The following SLC41A2 variants were observed in gnomAD, a reference collection of about 807,000 sequenced individuals.
SLC41A2 encodes SLC41A1-like 1.
A neutral mutation model predicts 58.3 loss-of-function variants in SLC41A2; 32 were observed. The observed-to-expected ratio is 0.55, with a 90% CI of 0.41 to 0.74. SLC41A2 has a LOEUF of 0.74. Ranked by LOEUF, SLC41A2 falls within the 30% of genes least tolerant of loss-of-function variation. SLC41A2 has a pLI of 0.00. For synonymous variants in SLC41A2, 190 were observed against 235.0 expected (o/e 0.81, Z 1.75); for missense variants, 514 against 680.6 (o/e 0.76, Z 2.72).
chr12:104,850,369 T>A (rs2042754397), intron 8 of SLC41A2, among the ~76,000 whole-genome samples: 1 of 152,314 alleles, frequency 6.6e-6, no homozygotes, highest in African/African-American at 2.4e-5. Context: ...ATCTACGCAG[T>A]TTAATCTTGG....
intron 8 of SLC41A2, among the ~76,000 whole-genome samples, chr12:104,856,616 A>G (rs1593005915): frequency 6.6e-6 from 1 of 152,124 alleles, no homozygotes; most frequent in Non-Finnish European, 1.5e-5. Context: ...GACATGGGAG[A>G]TACCGGAAAA....
chr12:104,825,949 T>C (rs1184670297), intron 10 of SLC41A2, among the ~76,000 whole-genome samples: 1 of 152,180 alleles, frequency 6.6e-6, no homozygotes, highest in Non-Finnish European at 1.5e-5. Flanking sequence ...CTCTGCTTCA[T>C]GGGTACATAC....
At chr12:104,822,149 G>A (rs2041663950) in intron 10 of SLC41A2, among the ~76,000 whole-genome samples, 1 of 152,194 alleles carries the variant, frequency 6.6e-6, no homozygotes. Flanking sequence ...AAAAAAAAGT[G>A]TGAATGAAGC....
chr12:104,840,987 TA>T (rs2042389524), intron 10 of SLC41A2, among the ~76,000 whole-genome samples: 1 of 152,136 alleles, frequency 6.6e-6, no homozygotes, highest in South Asian at 2.1e-4. Context: ...TACTAACATC[TA>T]AAATCTGAAA....
chr12:104,880,264 G>A (rs532555314), intron 6 of SLC41A2, among the ~76,000 whole-genome samples: 1 of 152,142 alleles, frequency 6.6e-6, no homozygotes, highest in Non-Finnish European at 1.5e-5. Context: ...TCTGCAAACA[G>A]GGACAATTTG....
At chr12:104,876,128 T>C (rs948546285) in intron 6 of SLC41A2, among the ~76,000 whole-genome samples, 1 of 152,172 alleles carries the variant, frequency 6.6e-6, no homozygotes, top group African/African-American at 2.4e-5. Context: ...GTCTCCACTT[T>C]TATTTCTGAT....
At chr12:104,947,649 C>CATATAT (rs142147043) in intron 1 of SLC41A2, among the ~76,000 whole-genome samples, 17 of 151,578 alleles carry the variant, frequency 1.1e-4, no homozygotes, top group East Asian at 3.9e-4. Context: ...ACATATTTTA[C>CATATAT]ATATATATAT....
At chr12:104,942,057 TG>T (rs1023710295) in intron 1 of SLC41A2, among the ~76,000 whole-genome samples, 22 of 152,176 alleles carry the variant, frequency 1.4e-4, no homozygotes, top group African/African-American at 4.8e-4. Flanking sequence ...AACTCTATTT[TG>T]AAGTTGAGAA....
chr12:104,905,716 G>A (rs1047050204), intron 3 of SLC41A2, among the ~76,000 whole-genome samples: 1 of 152,362 alleles, frequency 6.6e-6, no homozygotes, highest in African/African-American at 2.4e-5. Context: ...GGCCAGCATT[G>A]CTGGGGGACT....
At chr12:104,843,307 G>T (rs969413379) in intron 10 of SLC41A2, among the ~76,000 whole-genome samples, 1 of 151,888 alleles carries the variant, frequency 6.6e-6, no homozygotes, top group Non-Finnish European at 1.5e-5. Flanking sequence ...CTAGTAGCAT[G>T]AAGGTTTACT....
intron 4 of SLC41A2, among the ~76,000 whole-genome samples, chr12:104,890,609 A>G (rs1299463341): frequency 6.6e-6 from 1 of 152,136 alleles, no homozygotes; most frequent in Non-Finnish European, 1.5e-5. Flanking sequence ...TATGCAAAAT[A>G]ATGACTAACT....
intron 8 of SLC41A2, among the ~76,000 whole-genome samples, chr12:104,850,202 CA>C (rs940545259): frequency 3.3e-5 from 5 of 151,508 alleles, no homozygotes; most frequent in African/African-American, 1.2e-4. Context: ...GATTTCCCTC[CA>C]AAAAAAAGTG....
chr12:104,895,760 C>T (rs1425353169), intron 3 of SLC41A2, among the ~76,000 whole-genome samples: 1 of 151,930 alleles, frequency 6.6e-6, no homozygotes, highest in Non-Finnish European at 1.5e-5. Flanking sequence ...AATTATTGAC[C>T]CAAAAACAAG....
At chr12:104,862,632 T>C (rs972055874) in intron 7 of SLC41A2, among the ~76,000 whole-genome samples, 1 of 152,198 alleles carries the variant, frequency 6.6e-6, no homozygotes, top group South Asian at 2.1e-4. Context: ...TATAGGCTTC[T>C]AGACTTTTTT....
Position 104,845,762 on chromosome 12 carries a change from A to G in SLC41A2, c.1387+81T>C. On this transcript the variant is annotated intron_variant, in intron 9 of 10. Transcript: ENST00000258538. ...GTTGAGCAACTTTCACAAAACACAT[A>G]TTCAATAAATGTTGCCTGCCTATAA... The G allele has an allele frequency of 2.9e-6, 4 of 1,400,966 alleles. No homozygotes were observed. In the South Asian group the frequency reaches 6.5e-5, roughly 23 times the overall value. The allele number at this position is 1,400,966 out of a possible 1,614,324, so 86.8% of individuals were successfully genotyped here.
At chr12:104,835,008 C>T (rs1272295325) in intron 10 of SLC41A2, among the ~76,000 whole-genome samples, 3 of 152,162 alleles carry the variant, frequency 2.0e-5, no homozygotes, top group Non-Finnish European at 4.4e-5. Context: ...TCTGATTGCT[C>T]CACTGCCACC....
At chr12:104,924,069 T>C (rs2046728066) in intron 2 of SLC41A2, among the ~76,000 whole-genome samples, 1 of 152,082 alleles carries the variant, frequency 6.6e-6, no homozygotes, top group African/African-American at 2.4e-5. Flanking sequence ...AAAATGTAAC[T>C]CCTATAAATC....
chr12:104,944,306 C>A (rs1286398622), intron 1 of SLC41A2, among the ~76,000 whole-genome samples: 1 of 152,212 alleles, frequency 6.6e-6, no homozygotes, highest in Non-Finnish European at 1.5e-5. Context: ...GCCTCCACAC[C>A]AAGGTCTTCC....
intron 2 of SLC41A2, among the ~76,000 whole-genome samples, chr12:104,920,543 T>C (rs766948330): frequency 6.6e-6 from 1 of 151,790 alleles, no homozygotes; most frequent in Admixed American, 6.6e-5. Context: ...GGTGAGCTAT[T>C]TGAAAATACA....
Sources: gnomAD v4.1 joint callset for allele counts (sites outside exome capture counted in the v4.1 genomes callset) on GRCh38, gnomAD v4.1.1 for gene constraint, MANE v1.5 for transcripts, NCBI Gene and HGNC (gene_info 2026-07-23, HGNC 2026-07-21) for gene names.